Variants in CDH13 observed in about 807,000 individuals in gnomAD.
The protein encoded by CDH13 is cadherin 13.
Under a neutral mutation model 63.8 loss-of-function variants are expected in CDH13, and 24 were observed. The ratio of observed to expected loss-of-function variants is 0.38; its 90% CI spans 0.27 to 0.53. The LOEUF (loss-of-function observed/expected upper bound fraction) is 0.53. CDH13 is among the 20% of genes least tolerant of loss of function. The pLI, the probability that CDH13 is intolerant of heterozygous loss-of-function variation, is 0.85. For missense variants in CDH13, 1,049 were observed against 903.1 expected (o/e 1.16, Z -2.07); for synonymous variants, 503 against 355.3 (o/e 1.42, Z -4.67).
intron 1 of CDH13, among the ~76,000 whole-genome samples, chr16:82,811,858 G>T (rs1193216774): frequency 1.3e-5 from 2 of 152,164 alleles, no homozygotes; most frequent in African/African-American, 4.8e-5. Context: ...ATAAGGATGA[G>T]AATGCCAGAA....
intron 6 of CDH13, among the ~76,000 whole-genome samples, chr16:83,406,414 CT>C (rs200594090): frequency 0.018 from 2,569 of 146,192 alleles, 33 homozygotes; most frequent in Non-Finnish European, 0.028. Context: ...AGCTCTCTTT[CT>C]TTCCCCCCCC....
At chr16:82,950,584 C>T (rs918500578) in intron 2 of CDH13, among the ~76,000 whole-genome samples, 4 of 152,248 alleles carry the variant, frequency 2.6e-5, no homozygotes, top group Middle Eastern at 6.8e-3. Flanking sequence ...ATGTGCCTTT[C>T]GCCTTTCACC....
chr16:82,663,149 A>T (rs745420927), intron 1 of CDH13, among the ~76,000 whole-genome samples: 9 of 152,028 alleles, frequency 5.9e-5, no homozygotes, highest in Admixed American at 4.6e-4. Flanking sequence ...AAATACCCTT[A>T]CTGAAGTGGC....
At chr16:82,750,720 A>C (rs182714548) in intron 1 of CDH13, among the ~76,000 whole-genome samples, 1 of 152,216 alleles carries the variant, frequency 6.6e-6, no homozygotes, top group South Asian at 2.1e-4. Context: ...GTAAGGAGAA[A>C]TTCTCTAAGT....
chr16:83,758,264 G>A (rs1913677198), intron 11 of CDH13, among the ~76,000 whole-genome samples: 1 of 151,942 alleles, frequency 6.6e-6, no homozygotes, highest in African/African-American at 2.4e-5. Flanking sequence ...AACCTGACAA[G>A]ATCTTACAAG....
intron 5 of CDH13, among the ~76,000 whole-genome samples, chr16:83,221,036 A>T (rs772015067): frequency 6.6e-6 from 1 of 152,250 alleles, no homozygotes; most frequent in Non-Finnish European, 1.5e-5. Flanking sequence ...TAGCTGTTAA[A>T]CAACTTTTTC....
At chr16:83,144,373 C>A (rs185666888) in intron 4 of CDH13, among the ~76,000 whole-genome samples, 1 of 152,100 alleles carries the variant, frequency 6.6e-6, no homozygotes, top group South Asian at 2.1e-4. Context: ...ATTAGCTTTG[C>A]CCAAGCAGAA....
intron 1 of CDH13, among the ~76,000 whole-genome samples, chr16:82,856,323 A>G (rs1393825127): frequency 6.7e-6 from 1 of 149,198 alleles, no homozygotes; most frequent in Non-Finnish European, 1.5e-5. Flanking sequence ...TGCAGTGAGC[A>G]GAGATCATGC....
chr16:83,058,747 G>A (rs2031214905), intron 3 of CDH13, among the ~76,000 whole-genome samples: 1 of 152,196 alleles, frequency 6.6e-6, no homozygotes, highest in African/African-American at 2.4e-5. Context: ...AGCTTTTGAA[G>A]TCAGCATCTG....
chr16:82,821,333 G>C (rs1432108340), intron 1 of CDH13, among the ~76,000 whole-genome samples: 2 of 152,152 alleles, frequency 1.3e-5, no homozygotes, highest in Non-Finnish European at 2.9e-5. Context: ...TATAATATTG[G>C]CATAAGGCTA....
intron 6 of CDH13, among the ~76,000 whole-genome samples, chr16:83,429,414 G>C (rs2072019810): frequency 6.6e-6 from 1 of 151,912 alleles, no homozygotes; most frequent in Non-Finnish European, 1.5e-5. Flanking sequence ...CTTCAGTCTG[G>C]ATTTTATTCA....
At chr16:83,255,952 C>A (rs773750461) in intron 5 of CDH13, among the ~76,000 whole-genome samples, 2 of 152,096 alleles carry the variant, frequency 1.3e-5, no homozygotes, top group Non-Finnish European at 2.9e-5. Flanking sequence ...TGATTATGGT[C>A]AAATCTAAGA....
intron 10 of CDH13, among the ~76,000 whole-genome samples, chr16:83,731,990 A>G (rs1391456420): frequency 6.6e-6 from 1 of 152,250 alleles, no homozygotes; most frequent in Non-Finnish European, 1.5e-5. Context: ...TGGACAGGCT[A>G]GCTATTCTTC....
intron 2 of CDH13, among the ~76,000 whole-genome samples, chr16:82,989,574 T>C (rs892857980): frequency 1.3e-5 from 2 of 152,236 alleles, no homozygotes; most frequent in Non-Finnish European, 2.9e-5. Flanking sequence ...GCACCTTCTC[T>C]AGGCCCAGAG....
At chr16:82,823,777 A>T (rs1470143240) in intron 1 of CDH13, 1 of 152,170 alleles carries the variant, frequency 6.6e-6, no homozygotes, top group Non-Finnish European at 1.5e-5. Flanking sequence ...GAAGTATGGG[A>T]GGAAGAAGAT....
intron 3 of CDH13, among the ~76,000 whole-genome samples, chr16:83,041,026 C>T (rs925118282): frequency 6.6e-6 from 1 of 152,252 alleles, no homozygotes; most frequent in South Asian, 2.1e-4. Context: ...GAAGCACTGA[C>T]TAAACTTCCT....
rs553955235 is a variant in CDH13 at position 83,274,782 on chromosome 16, A to G, written c.636+57285A>G. Among the ~76,000 whole-genome samples, 58 of 152,320 alleles carry G rather than the reference A, an allele frequency of 3.8e-4. 1 individual carries two copies. Among genetic ancestry groups the G allele is most frequent in the African/African-American group, 1.3e-3 (55 of 41,576 alleles). On this transcript the variant is annotated intron_variant, in intron 5 of 13. Coordinates refer to ENST00000567109, the MANE Select transcript of CDH13 (RefSeq NM_001257.5). ...TGGGCCCCACGCCAGATCTACTACT[A>G]AGAACCTCCATGGGTGTGAACTATA...
chr16:83,225,730 A>G (rs551758679), intron 5 of CDH13, among the ~76,000 whole-genome samples: 2 of 152,344 alleles, frequency 1.3e-5, no homozygotes, highest in Admixed American at 1.3e-4. Flanking sequence ...CAATTAAATC[A>G]GGATGTCTCA....
intron 2 of CDH13, among the ~76,000 whole-genome samples, chr16:82,903,145 C>T (rs2041525142): frequency 6.6e-6 from 1 of 152,242 alleles, no homozygotes; most frequent in African/African-American, 2.4e-5. Flanking sequence ...CACCTCAGGC[C>T]TCTGCCTGTT....
Sources: allele counts gnomAD v4.1 joint callset (sites outside exome capture counted in the v4.1 genomes callset), GRCh38; gene constraint gnomAD v4.1.1; transcripts MANE v1.5; gene names NCBI Gene and HGNC (gene_info 2026-07-23, HGNC 2026-07-21).